The following PARP4 variants were observed in gnomAD, a reference collection of about 807,000 sequenced individuals.
PARP4 encodes the protein poly(ADP-ribose) polymerase family member 4, also known as protein mono-ADP-ribosyltransferase PARP4.
In PARP4, 120 loss-of-function variants were observed where a neutral mutation model predicts 187.7. That is an observed-to-expected ratio of 0.64 (90% CI 0.55 to 0.74). PARP4 has a LOEUF of 0.74. Ranked by LOEUF, PARP4 falls within the 30% of genes least tolerant of loss-of-function variation. The probability of loss-of-function intolerance (pLI) is 0.00; values close to 1 mark genes in which losing one functional copy is unlikely to be tolerated. For missense variants in PARP4, 1,836 were observed against 2,070.5 expected, an observed-to-expected ratio of 0.89 and a Z score of 2.20; for synonymous variants, 654 against 740.9, an observed-to-expected ratio of 0.88 and a Z score of 1.90.
At chr13:24,456,253 G>A (rs142059476) in intron 21 of PARP4, 88 bp downstream of exon 21, 3 of 1,042,832 alleles carry the variant, frequency 2.9e-6, no homozygotes, top group African/African-American at 1.6e-5. Context: ...TAGTTTTTCA[G>A]GACAATCAAT....
intron 17 of PARP4, among the ~76,000 whole-genome samples, chr13:24,467,378 G>A (rs1224500443): frequency 6.6e-6 from 1 of 152,202 alleles, no homozygotes; most frequent in African/African-American, 2.4e-5. Context: ...GGAAAATGAA[G>A]CCATGGGTCT....
rs376836124 is a variant in PARP4, at chr13:24,468,021, G to A, written c.2133+1003C>T. Among the ~76,000 whole-genome samples the A allele has an allele frequency of 3.2e-3, 491 of 152,136 alleles. 4 individuals are homozygous for A. Among genetic ancestry groups the A allele is most frequent in the Non-Finnish European group, 5.4e-3 (366 of 68,008 alleles). On this transcript the variant is annotated intron_variant, in intron 17 of 33. Transcript: ENST00000381989. ...TTACCCCTTTGTCTATATTAATCTT[G>A]AATGTGCCCCTAGCCCCAGCAAACA...
In PARP4 at chr13:24,434,466, C is replaced by A. The variant is rs777494868; in HGVS notation, c.4675G>T (p.Asp1559Tyr). 11 of 1,611,432 alleles carry A rather than the reference C, an allele frequency of 6.8e-6. No individual in the cohort carries two copies. The South Asian group carries it at 1.1e-4, about 16-fold the overall frequency. Residue 1559 changes from aspartate (D) to tyrosine (Y), a missense_variant, in exon 31 of 34, where the codon GAT becomes TAT. Physicochemically the swap from Asp to Tyr is radical, Grantham distance 160. Around this residue, in one of 8 missense-constraint regions of PARP4, gnomAD observed 450 missense variants for 439.2 expected, o/e 1.02. Transcript: ENST00000381989. ...ILCFLEVKEE[D>Y]EIVCIQHWQD... is the part of the protein sequence containing the mutation. ...CAGTGTTGTATGCACACTATTTCAT[C>A]CTCTTCTTTTACTTCCAGAAAGCAC...
intron 10 of PARP4, among the ~76,000 whole-genome samples, chr13:24,489,872 C>G (rs540898270): frequency 6.6e-6 from 1 of 152,252 alleles, no homozygotes; most frequent in East Asian, 1.9e-4. Flanking sequence ...AAATCCTCCC[C>G]GTGTCCAATT....
At chr13:24,450,421 A>C (rs1456181872) in intron 24 of PARP4, among the ~76,000 whole-genome samples, 1 of 150,318 alleles carries the variant, frequency 6.7e-6, no homozygotes, top group Non-Finnish European at 1.5e-5. Context: ...TTTTTCAGAA[A>C]AAGAGCTTAT....
rs1870509584 is a variant in PARP4 at position 24,434,579 on chromosome 13, G to T, written c.4562C>A (p.Ser1521Tyr). The change falls in exon 31 of 34, where the codon TCT becomes TAT. Residue 1521 changes from serine to tyrosine, a missense_variant. Coordinates refer to ENST00000381989, the MANE Select transcript of PARP4 (RefSeq NM_006437.4). ...TGATAGCTCATCACTTTCTGTGTCA[G>T]AACTTTGAAAAGCAAAGACAGGACA... ...SRCPVFAFQS[S>Y]DTESDELSEV... The T allele has an allele frequency of 1.9e-6, 3 of 1,612,922 alleles. No homozygotes were observed. The highest frequency in any genetic ancestry group is 2.5e-6 in the Non-Finnish European group (3 of 1,179,224).
chr13:24,508,248 A>G (rs1869816405), intron 1 of PARP4, among the ~76,000 whole-genome samples: 1 of 152,148 alleles, frequency 6.6e-6, no homozygotes, highest in African/African-American at 2.4e-5. Context: ...TCTATGTGAT[A>G]ATTGCACCCC....
chr13:24,483,439 T>C (rs1286102451), intron 12 of PARP4, among the ~76,000 whole-genome samples: 1 of 123,028 alleles, frequency 8.1e-6, no homozygotes, highest in African/African-American at 3.1e-5. Flanking sequence ...TGAGCCGAGA[T>C]TGTGCCACTG....
At chr13:24,451,465 G>A (rs969281167) in intron 24 of PARP4, among the ~76,000 whole-genome samples, 4 of 152,096 alleles carry the variant, frequency 2.6e-5, no homozygotes, top group Non-Finnish European at 2.9e-5. Flanking sequence ...TAGGGGTGTC[G>A]GAGGCCACAG....
intron 17 of PARP4, among the ~76,000 whole-genome samples, chr13:24,461,095 TAACTATGCA>T (rs1246442079): frequency 6.6e-6 from 1 of 152,354 alleles, no homozygotes. Context: ...TTTTTTCTGA[TAACTATGCA>T]GAGATCCTCT....
chr13:24,491,339 C>T (rs936803950), intron 9 of PARP4, among the ~76,000 whole-genome samples: 3 of 152,146 alleles, frequency 2.0e-5, no homozygotes, highest in African/African-American at 7.2e-5. Context: ...CCAGGCTGGT[C>T]TCAAACTCCT....
intron 20 of PARP4, among the ~76,000 whole-genome samples, chr13:24,458,353 C>A (rs1871999197): frequency 6.6e-6 from 1 of 152,040 alleles, no homozygotes; most frequent in Admixed American, 6.6e-5. Flanking sequence ...TCGTGATCCA[C>A]CCACCTCAGC....
At chr13:24,423,650 T>C (rs545798941) in intron 33 of PARP4, among the ~76,000 whole-genome samples, 1 of 152,124 alleles carries the variant, frequency 6.6e-6, no homozygotes, top group Admixed American at 6.6e-5. Flanking sequence ...TTTTAAAAAA[T>C]GGAAGTATAA....
At chr13:24,488,327 T>C (rs1868436487) in intron 10 of PARP4, among the ~76,000 whole-genome samples, 1 of 152,164 alleles carries the variant, frequency 6.6e-6, no homozygotes, top group African/African-American at 2.4e-5. Flanking sequence ...TTTGATTACA[T>C]ATAAAAACAA....
intron 23 of PARP4, 45 bp downstream of exon 23, chr13:24,453,542 T>C (rs374723139): frequency 5.8e-6 from 7 of 1,201,134 alleles, no homozygotes; most frequent in African/African-American, 1.5e-5. Context: ...CCTTAAAGCA[T>C]GGTAGGAAAA....
intron 1 of PARP4, among the ~76,000 whole-genome samples, chr13:24,508,132 T>C (rs989867023): frequency 6.6e-6 from 1 of 152,140 alleles, no homozygotes; most frequent in Admixed American, 6.5e-5. Context: ...TACACCACAC[T>C]ATTTAGGTTA....
At chr13:24,440,757 T>A (rs1238028085) in intron 30 of PARP4, among the ~76,000 whole-genome samples, 1 of 152,182 alleles carries the variant, frequency 6.6e-6, no homozygotes, top group African/African-American at 2.4e-5. Context: ...TTTACTGACT[T>A]TCAATCATCT....
chr13:24,436,905 C>G (rs559192542), intron 30 of PARP4, among the ~76,000 whole-genome samples: 6 of 151,960 alleles, frequency 3.9e-5, no homozygotes, highest in Non-Finnish European at 7.4e-5. Flanking sequence ...TATTATAGAA[C>G]ATATGAAAAG....
chr13:24,492,675 T>C, intron 8 of PARP4, 81 bp from the exon 9 acceptor site: 1 of 1,147,690 alleles, frequency 8.7e-7, no homozygotes, highest in Middle Eastern at 2.0e-4. Context: ...ATATAAATAA[T>C]TGTTAGACAT....
Sources: allele counts gnomAD v4.1 joint callset (sites outside exome capture counted in the v4.1 genomes callset), GRCh38; gene constraint gnomAD v4.1.1; regional missense constraint gnomAD v4.1.1; transcripts MANE v1.5; gene names NCBI Gene and HGNC (gene_info 2026-07-23, HGNC 2026-07-21).